NCKAP5: variants seen among roughly 807,000 people sequenced by gnomAD.
NCKAP5 encodes nck-associated protein 5.
NCKAP5 carries 92 observed loss-of-function variants against 167.0 expected under a neutral mutation model. That is an observed-to-expected ratio of 0.55 (90% CI 0.47 to 0.66). The LOEUF (loss-of-function observed/expected upper bound fraction) is 0.66. Among genes scored for constraint, NCKAP5 ranks in the 30% least tolerant of loss-of-function variants. The probability of loss-of-function intolerance (pLI) is 0.00; values close to 1 mark genes in which losing one functional copy is unlikely to be tolerated. For missense variants in NCKAP5, 2,378 were observed against 2,315.0 expected (o/e 1.03, Z -0.56); for synonymous variants, 891 against 877.4 (o/e 1.02, Z -0.27).
chr2:132,694,421 G>A (rs1001328081), intron 19 of NCKAP5, among the ~76,000 whole-genome samples: 1 of 152,120 alleles, frequency 6.6e-6, no homozygotes, highest in South Asian at 2.1e-4. Context: ...CTCTACAAAT[G>A]ACGGAAAGAT....
chr2:133,134,807 A>T (rs1225209561), intron 5 of NCKAP5, among the ~76,000 whole-genome samples: 1 of 152,230 alleles, frequency 6.6e-6, no homozygotes, highest in East Asian at 1.9e-4. Context: ...TAATTTTGTA[A>T]AACTTGCTTA....
intron 6 of NCKAP5, among the ~76,000 whole-genome samples, chr2:133,075,319 T>C (rs2094928750): frequency 6.6e-6 from 1 of 151,594 alleles, no homozygotes; most frequent in Admixed American, 6.6e-5. Context: ...AAAGAGAGAG[T>C]AAGTTGGCGG....
At chr2:133,299,690 G>T (rs1680232183) in intron 4 of NCKAP5, among the ~76,000 whole-genome samples, 2 of 152,174 alleles carry the variant, frequency 1.3e-5, no homozygotes, top group Non-Finnish European at 2.9e-5. Flanking sequence ...GGTGGAGGTT[G>T]CAGTGAGCCA....
chr2:133,662,584 A>G, the NCKAP5 span, among the ~76,000 whole-genome samples: 1 of 147,668 alleles, frequency 6.8e-6, no homozygotes, highest in Non-Finnish European at 1.5e-5. Context: ...AAAGAATTTG[A>G]TCACAATACC....
chr2:132,904,486 C>G (rs1233508077), intron 8 of NCKAP5, among the ~76,000 whole-genome samples: 2 of 152,030 alleles, frequency 1.3e-5, no homozygotes, highest in Non-Finnish European at 2.9e-5. Flanking sequence ...ACATAAATCT[C>G]ATTTTACATC....
chr2:133,021,714 TCTG>T (rs2078535363), intron 6 of NCKAP5, among the ~76,000 whole-genome samples: 1 of 152,192 alleles, frequency 6.6e-6, no homozygotes, highest in African/African-American at 2.4e-5. Flanking sequence ...TCACTACACC[TCTG>T]CCTCCTGGGT....
At chr2:133,234,869 A>T (rs1047596674) in intron 4 of NCKAP5, among the ~76,000 whole-genome samples, 3 of 150,734 alleles carry the variant, frequency 2.0e-5, no homozygotes, top group African/African-American at 7.3e-5. Flanking sequence ...TAAGCAATTC[A>T]TTCTTAAGTA....
chr2:132,723,136 T>G (rs1476093737), intron 19 of NCKAP5, among the ~76,000 whole-genome samples: 4 of 139,204 alleles, frequency 2.9e-5, no homozygotes, highest in Admixed American at 7.4e-5. Context: ...CTGAGCCAGG[T>G]GGTATTTTTT....
intron 6 of NCKAP5, among the ~76,000 whole-genome samples, chr2:133,029,597 G>A (rs960902766): frequency 1.4e-4 from 21 of 152,010 alleles, no homozygotes; most frequent in African/African-American, 2.2e-4. Flanking sequence ...TGCTATGATC[G>A]GACACCTGCA....
chr2:133,075,713 G>A lies in NCKAP5; in HGVS notation c.341+54265C>T, dbSNP rs1031422205. The stretch of plus-strand genomic sequence containing the variant: ...GCTATCAATAAAAAGTCTACTCAAA[G>A]AAATACATTTGAAAAACAATAGATA... On this transcript the variant is annotated intron_variant, in intron 6 of 19. Transcript: ENST00000409261. Among the ~76,000 whole-genome samples, 6 of 152,038 alleles carry A rather than the reference G, an allele frequency of 3.9e-5. No homozygotes were observed. The South Asian group carries it at 1.2e-3, about 32-fold the overall frequency.
chr2:133,290,086 A>G (rs1176541997), intron 4 of NCKAP5, among the ~76,000 whole-genome samples: 1 of 152,184 alleles, frequency 6.6e-6, no homozygotes, highest in East Asian at 1.9e-4. Context: ...AAACCATATA[A>G]GCTCCATTCT....
chr2:132,807,726 T>C (rs1352706776), intron 11 of NCKAP5, among the ~76,000 whole-genome samples: 1 of 152,190 alleles, frequency 6.6e-6, no homozygotes, highest in Non-Finnish European at 1.5e-5. Flanking sequence ...GACTTCATTT[T>C]AACCAATTTG....
chr2:132,739,527 A>G (rs539963533), intron 16 of NCKAP5, among the ~76,000 whole-genome samples: 1 of 152,312 alleles, frequency 6.6e-6, no homozygotes, highest in East Asian at 1.9e-4. Flanking sequence ...TAAGCCTGGC[A>G]GAGTGCTCAT....
chr2:132,759,361 C>G (rs931213966), intron 16 of NCKAP5, among the ~76,000 whole-genome samples: 4 of 152,082 alleles, frequency 2.6e-5, no homozygotes, highest in Admixed American at 6.6e-5. Context: ...TAGGGCCATG[C>G]CTTTCAAACT....
At chr2:132,846,252 G>T (rs1226419471) in intron 11 of NCKAP5, among the ~76,000 whole-genome samples, 1 of 152,040 alleles carries the variant, frequency 6.6e-6, no homozygotes, top group Admixed American at 6.5e-5. Flanking sequence ...GAATTTAGAG[G>T]TAAAGTTTCA....
intron 8 of NCKAP5, chr2:132,930,470 G>A (rs1696283920): frequency 6.6e-6 from 1 of 152,198 alleles, no homozygotes; most frequent in African/African-American, 2.4e-5. Context: ...TGCAGAAAAG[G>A]TAAAAAGGTG....
chr2:132,936,379 C>T (rs540286559), intron 8 of NCKAP5, among the ~76,000 whole-genome samples: 4 of 152,298 alleles, frequency 2.6e-5, no homozygotes, highest in East Asian at 1.9e-4. Flanking sequence ...TGGTACATTT[C>T]CTGAATGAGT....
chr2:133,577,499 C>CT, the NCKAP5 span, among the ~76,000 whole-genome samples: 31 of 151,878 alleles, frequency 2.0e-4, no homozygotes, highest in Admixed American at 1.3e-3. Context: ...TTTTTTTCTT[C>CT]TTTTTTTTAA....
chr2:133,464,942 A>T (rs1337002973), intron 3 of NCKAP5, among the ~76,000 whole-genome samples: 1 of 151,714 alleles, frequency 6.6e-6, no homozygotes. Context: ...ATTATAGACT[A>T]ATTGAGAAGA....
Sources: gnomAD v4.1 joint callset for allele counts (sites outside exome capture counted in the v4.1 genomes callset) on GRCh38, gnomAD v4.1.1 for gene constraint, MANE v1.5 for transcripts, NCBI Gene and HGNC (gene_info 2026-07-23, HGNC 2026-07-21) for gene names.